The following TSPAN11 variants were observed in gnomAD, a reference collection of about 807,000 sequenced individuals.
The protein encoded by TSPAN11 is tetraspanin-11.
A neutral mutation model predicts 32.9 loss-of-function variants in TSPAN11; 29 were observed. The ratio of observed to expected loss-of-function variants is 0.88; its 90% confidence interval spans 0.66 to 1.20. TSPAN11 has a LOEUF of 1.20. Among genes scored for constraint, TSPAN11 ranks in the 50% most tolerant of loss-of-function variants. TSPAN11 has a pLI of 0.00. For synonymous variants in TSPAN11, 140 were observed against 141.3 expected (o/e 0.99, Z 0.07); for missense variants, 283 against 329.1 (o/e 0.86, Z 1.08).
At position 30,929,040 on chromosome 12, in the gene TSPAN11, C is replaced by T. The variant is rs139760291; in HGVS notation, c.-12+2244C>T. ...GCATATGTGTTTTTCAAATTGTCCT[C>T]CCAGGAGCTCTGGAAGGGAAGAGCA... On this transcript the variant is annotated intron_variant, in intron 1 of 7. Coordinates refer to ENST00000546076, the MANE Select transcript of TSPAN11 (RefSeq NM_001370302.1). Among the ~76,000 whole-genome samples the T allele has an allele frequency of 2.1e-3, 326 of 152,276 alleles. 2 individuals carry two copies. In the Middle Eastern group the frequency reaches 0.024, roughly 11 times the overall value.
chr12:31,005,166 G>T, the TSPAN11 span, among the ~76,000 whole-genome samples: 1 of 152,316 alleles, frequency 6.6e-6, no homozygotes, highest in South Asian at 2.1e-4. Flanking sequence ...AGCCATTAAA[G>T]AAATCAACAC....
rs1326293154 is a variant in TSPAN11 at position 30,972,021 on chromosome 12, A to G, written c.277-6540A>G. Among the ~76,000 whole-genome samples the G allele has an allele frequency of 5.3e-5, 8 of 152,240 alleles. No homozygotes were observed. In the South Asian group the frequency reaches 1.0e-3, roughly 20 times the overall value. On this transcript the variant is annotated intron_variant, in intron 3 of 7. Coordinates refer to ENST00000546076, the MANE Select transcript of TSPAN11 (RefSeq NM_001370302.1). ...AAGATGAATATTTGGATCCCATTCTATGCTTAACACACTGCTCCAGCTTGG... is the reference window on the plus strand; with the variant it reads ...AAGATGAATATTTGGATCCCATTCTGTGCTTAACACACTGCTCCAGCTTGG...
At chr12:30,960,039 G>A (rs1264387019) in intron 2 of TSPAN11, among the ~76,000 whole-genome samples, 1 of 149,560 alleles carries the variant, frequency 6.7e-6, no homozygotes, top group African/African-American at 2.5e-5. Context: ...GCGGGGAGAT[G>A]GAGACAGGTT....
the TSPAN11 span, among the ~76,000 whole-genome samples, chr12:31,013,079 A>G: frequency 1.3e-5 from 2 of 152,356 alleles, no homozygotes; most frequent in South Asian, 4.1e-4. Context: ...TCTGTCTGCA[A>G]ACATCTACTG....
chr12:30,998,101 C>T (rs1009047210), downstream of TSPAN11, among the ~76,000 whole-genome samples: 12 of 152,116 alleles, frequency 7.9e-5, no homozygotes, highest in African/African-American at 1.9e-4. Context: ...TGAGTGTGTG[C>T]GTGTGTGTGT....
chr12:30,936,035 CCATTTGGGTTTCTTTAAT>C (rs1938038209), intron 1 of TSPAN11, among the ~76,000 whole-genome samples: 2 of 152,220 alleles, frequency 1.3e-5, no homozygotes, highest in African/African-American at 4.8e-5. Flanking sequence ...ACCTGCTGAA[CCATTTGGGTTTCTTTAAT>C]TTAACCTCAT....
At chr12:30,947,572 G>T (rs145763011) in intron 1 of TSPAN11, among the ~76,000 whole-genome samples, 52 of 152,240 alleles carry the variant, frequency 3.4e-4, no homozygotes, top group Middle Eastern at 3.4e-3. Flanking sequence ...AAATGAGAGA[G>T]AAGCAAGAAC....
the TSPAN11 span, among the ~76,000 whole-genome samples, chr12:31,010,186 C>T: frequency 6.6e-6 from 1 of 152,174 alleles, no homozygotes; most frequent in African/African-American, 2.4e-5. Context: ...GAGATGACAT[C>T]ATGATCCCCT....
chr12:31,006,991 G>A, the TSPAN11 span, among the ~76,000 whole-genome samples: 30 of 152,170 alleles, frequency 2.0e-4, no homozygotes, highest in African/African-American at 6.8e-4. Context: ...TAGGACCCAT[G>A]GACAGCCACT....
intron 7 of TSPAN11, among the ~76,000 whole-genome samples, chr12:30,987,747 G>C (rs1222772002): frequency 6.6e-6 from 1 of 152,228 alleles, no homozygotes; most frequent in Non-Finnish European, 1.5e-5. Context: ...GTGGCAAGGG[G>C]AGTGTGGGGC....
chr12:30,940,018 A>G (rs974275889), intron 1 of TSPAN11, among the ~76,000 whole-genome samples: 1 of 152,260 alleles, frequency 6.6e-6, no homozygotes, highest in Non-Finnish European at 1.5e-5. Flanking sequence ...GAGAAAACTC[A>G]GGGAGAAAAA....
At chr12:30,954,306 A>G (rs1355064093) in intron 2 of TSPAN11, 2 of 568,826 alleles carry the variant, frequency 3.5e-6, no homozygotes, top group East Asian at 3.1e-5. Context: ...TGGCATCTGA[A>G]TAGAGGCACA....
intron 1 of TSPAN11, among the ~76,000 whole-genome samples, chr12:30,949,127 A>G (rs894155488): frequency 2.0e-5 from 3 of 152,300 alleles, no homozygotes; most frequent in East Asian, 1.9e-4. Context: ...CTTATTGTTC[A>G]TATCACCATC....
the TSPAN11 span, among the ~76,000 whole-genome samples, chr12:31,002,636 G>A: frequency 6.6e-6 from 1 of 152,126 alleles, no homozygotes; most frequent in Non-Finnish European, 1.5e-5. The surrounding 1 kb of genome is among the most constrained non-coding windows in gnomAD (Gnocchi z 4.8). Flanking sequence ...GACTCTGAGG[G>A]TCTGCGGGAC....
chr12:30,983,081 G>T lies in TSPAN11; in HGVS notation c.633G>T (p.Lys211Asn). Residue 211 changes from lysine (K) to asparagine (N), a missense_variant, in exon 7 of 8, where the codon AAG (lysine) becomes AAT (asparagine). Lys to Asn is a moderately conservative substitution (Grantham distance 94, BLOSUM62 0). Coordinates refer to ENST00000546076, the MANE Select transcript of TSPAN11 (RefSeq NM_001370302.1). ...IYKVEGGCLT[K>N]LEQFLADHLL... ...TCTTACAGGGAGGCTGCCTCACCAAGCTGGAGCAGTTCCTGGCCGACCACC... is the reference window on the plus strand; with the variant it reads ...TCTTACAGGGAGGCTGCCTCACCAATCTGGAGCAGTTCCTGGCCGACCACC... 6.2e-7 allele frequency: 1 copy of T among 1,613,084 alleles called. No individual in the cohort carries two copies. Among genetic ancestry groups the T allele is most frequent in the Non-Finnish European group, 8.5e-7 (1 of 1,179,996 alleles).
At chr12:30,928,337 G>T (rs1937845585) in intron 1 of TSPAN11, among the ~76,000 whole-genome samples, 1 of 152,198 alleles carries the variant, frequency 6.6e-6, no homozygotes. Flanking sequence ...TTCACAGTTT[G>T]TAGCCAGGGA....
At chr12:30,938,565 A>G (rs973701285) in intron 1 of TSPAN11, among the ~76,000 whole-genome samples, 2 of 152,212 alleles carry the variant, frequency 1.3e-5, no homozygotes, top group Non-Finnish European at 2.9e-5. Flanking sequence ...GCACACCTGC[A>G]CAGACTGTGC....
rs759669628 is a variant in TSPAN11, at chr12:30,983,083, T to C, written c.635T>C (p.Leu212Pro). The change falls in exon 7 of 8, where the codon CTG becomes CCG. Residue 212 changes from leucine (L) to proline (P), a missense_variant. Transcript: ENST00000546076. ...TTACAGGGAGGCTGCCTCACCAAGC[T>C]GGAGCAGTTCCTGGCCGACCACCTG... The part of the protein sequence containing the change: ...YKVEGGCLTK[L>P]EQFLADHLLL... 5.0e-6 allele frequency: 8 copies of C among 1,613,022 alleles called. No homozygotes were observed. In the African/African-American group the frequency reaches 8.0e-5, roughly 16 times the overall value.
At chr12:30,996,859 T>C (rs1042618368), downstream of TSPAN11, among the ~76,000 whole-genome samples, 3 of 152,214 alleles carry the variant, frequency 2.0e-5, no homozygotes, top group Non-Finnish European at 4.4e-5. Flanking sequence ...CTCAAACACA[T>C]GTACTTAAAT....
Sources: allele counts gnomAD v4.1 joint callset (sites outside exome capture counted in the v4.1 genomes callset), GRCh38; gene constraint gnomAD v4.1.1; non-coding constraint Gnocchi (gnomAD v3.1); transcripts MANE v1.5; gene names NCBI Gene and HGNC (gene_info 2026-07-23, HGNC 2026-07-21).